TBX15: variants seen among roughly 807,000 people sequenced by gnomAD.
TBX15 encodes the protein T-box transcription factor TBX15.
A neutral mutation model predicts 53.9 loss-of-function variants in TBX15; 18 were observed. That is an observed-to-expected ratio of 0.33 (90% CI 0.23 to 0.49). The LOEUF is 0.49. TBX15 is among the 20% of genes least tolerant of loss of function. The pLI is 0.98. For synonymous variants in TBX15, 295 were observed against 278.0 expected, an observed-to-expected ratio of 1.06 and a Z score of -0.61; for missense variants, 692 against 749.5, an observed-to-expected ratio of 0.92 and a Z score of 0.90.
Position 118,924,831 on chromosome 1 carries a change from G to A in TBX15, c.522-14C>T, listed in dbSNP as rs1655541269. On this transcript the variant is annotated splice_polypyrimidine_tract_variant and intron_variant, in intron 3 of 7. Transcript: ENST00000369429. ...TGATACACATATCTGAGATAAAGAG[G>A]AAGAGAGGAAAATTCAGAGACAGAG... 6.2e-7 allele frequency: 1 copy of A among 1,613,906 alleles called. No individual in the cohort carries two copies. Among genetic ancestry groups the A allele is most frequent in the Non-Finnish European group, 8.5e-7 (1 of 1,179,882 alleles).
At chr1:118,946,540 C>G (rs12023773) in intron 1 of TBX15, among the ~76,000 whole-genome samples, 11,342 of 152,198 alleles carry the variant, frequency 0.075, 609 homozygotes, top group East Asian at 0.2. Context: ...TAACAAAATG[C>G]TTTTTCCCTC....
intron 6 of TBX15, among the ~76,000 whole-genome samples, chr1:118,912,121 C>A (rs1655046277): frequency 6.6e-6 from 1 of 151,864 alleles, no homozygotes; most frequent in Non-Finnish European, 1.5e-5. Context: ...CTCAGAAAAA[C>A]AATGACTCAA....
intron 6 of TBX15, among the ~76,000 whole-genome samples, chr1:118,910,799 G>A (rs1361238919): frequency 6.6e-6 from 1 of 152,124 alleles, no homozygotes; most frequent in Non-Finnish European, 1.5e-5. Context: ...TGACTTCAAT[G>A]TCATTATATC....
intron 1 of TBX15, among the ~76,000 whole-genome samples, chr1:118,971,952 G>A (rs1430757124): frequency 1.3e-5 from 2 of 152,244 alleles, no homozygotes; most frequent in Non-Finnish European, 2.9e-5. Flanking sequence ...CAGGACAGGA[G>A]CCTTGATTAA....
chr1:118,956,515 T>C (rs1470208868), intron 1 of TBX15, among the ~76,000 whole-genome samples: 3 of 152,236 alleles, frequency 2.0e-5, no homozygotes, highest in African/African-American at 7.2e-5. Context: ...CTTCTAATAG[T>C]TGCTGTAAAT....
intron 1 of TBX15, among the ~76,000 whole-genome samples, chr1:118,944,911 G>A (rs1656300943): frequency 6.6e-6 from 1 of 152,208 alleles, no homozygotes; most frequent in Non-Finnish European, 1.5e-5. Flanking sequence ...TCTTCCCAGG[G>A]AATGGGGGTC....
At chr1:118,899,247 A>G (rs1654534363) in intron 6 of TBX15, 122 bp from the exon 7 acceptor site, 2 of 888,816 alleles carry the variant, frequency 2.3e-6, no homozygotes, top group Non-Finnish European at 3.6e-6. Context: ...AGCTACCACC[A>G]TCAAGGTAAA....
At chr1:118,942,315 C>T (rs1445616119) in intron 1 of TBX15, among the ~76,000 whole-genome samples, 1 of 152,180 alleles carries the variant, frequency 6.6e-6, no homozygotes, top group African/African-American at 2.4e-5. Context: ...ATCCTCAGCA[C>T]CTGGAACAGT....
chr1:118,889,304 T>C (rs1212243057), intron 7 of TBX15, among the ~76,000 whole-genome samples: 1 of 152,168 alleles, frequency 6.6e-6, no homozygotes, highest in Non-Finnish European at 1.5e-5. Flanking sequence ...TCTAACAGCT[T>C]GTCGAATGTT....
intron 3 of TBX15, among the ~76,000 whole-genome samples, chr1:118,925,323 G>A (rs1231165858): frequency 6.6e-6 from 1 of 152,154 alleles, no homozygotes; most frequent in African/African-American, 2.4e-5. Context: ...GCCCTCCCAA[G>A]CCTCTCACTG....
At chr1:118,887,235 T>C (rs138685142) in intron 7 of TBX15, among the ~76,000 whole-genome samples, 22 of 152,346 alleles carry the variant, frequency 1.4e-4, no homozygotes, top group African/African-American at 4.8e-4. Context: ...TCAAGAGCTG[T>C]GATTCCCCCA....
chr1:118,900,307 G>A (rs926920987), intron 6 of TBX15, among the ~76,000 whole-genome samples: 2 of 152,194 alleles, frequency 1.3e-5, no homozygotes, highest in African/African-American at 2.4e-5. Flanking sequence ...TCTGCTGCCT[G>A]TGTTTCTTTC....
At chr1:118,917,509 A>G (rs1386976050) in intron 5 of TBX15, among the ~76,000 whole-genome samples, 1 of 152,192 alleles carries the variant, frequency 6.6e-6, no homozygotes, top group Non-Finnish European at 1.5e-5. Flanking sequence ...GCACACTACC[A>G]TGGCACACAT....
chr1:118,904,857 C>T (rs1453041198), intron 6 of TBX15, among the ~76,000 whole-genome samples: 4 of 152,130 alleles, frequency 2.6e-5, no homozygotes, highest in African/African-American at 9.7e-5. Flanking sequence ...GCTAGATTAC[C>T]TGGCTTCAAA....
intron 1 of TBX15, among the ~76,000 whole-genome samples, chr1:118,932,598 G>A (rs1431928263): frequency 1.3e-5 from 2 of 152,092 alleles, no homozygotes; most frequent in East Asian, 1.9e-4. Flanking sequence ...GGGGAGGGGT[G>A]ATCCAAACAG....
At position 118,953,762 on chromosome 1, in the gene TBX15, T is replaced by C. The variant is rs776649653; in HGVS notation, c.206-21930A>G. Among the ~76,000 whole-genome samples, 5 of 152,230 alleles carry C rather than the reference T, an allele frequency of 3.3e-5. No individual in the cohort carries two copies. In the South Asian group the frequency reaches 6.2e-4, roughly 19 times the overall value. ...AGAAAGTGAACAATTCTCTTCACTA[T>C]GTGAAATTTTTTGATGAATGTTCTT... On this transcript the variant is annotated intron_variant, in intron 1 of 7. Coordinates refer to ENST00000369429, the MANE Select transcript of TBX15 (RefSeq NM_001330677.2).
chr1:118,908,577 C>G (rs577732467), intron 6 of TBX15, among the ~76,000 whole-genome samples: 5 of 152,004 alleles, frequency 3.3e-5, no homozygotes, highest in African/African-American at 1.2e-4. Flanking sequence ...CACACAATTT[C>G]TAAGAAATCT....
chr1:118,885,201 A>C lies in TBX15; in HGVS notation c.1340T>G (p.Ile447Ser). 4 of 1,614,142 alleles carry C rather than the reference A, an allele frequency of 2.5e-6. No individual in the cohort carries two copies. The highest frequency in any genetic ancestry group is 3.4e-6 in the Non-Finnish European group (4 of 1,180,024). The change falls in exon 8 of 8, where the codon ATC (isoleucine) becomes AGC (serine). Residue 447 changes from isoleucine (I) to serine (S), a missense_variant. By Grantham distance (142) the Ile-to-Ser change is moderately radical. Transcript: ENST00000369429. ...TFMPQRTPSLISGIPTPPSLP... is the reference protein window; with the variant it reads ...TFMPQRTPSLSSGIPTPPSLP... ...CGAGGGAGGAGTTGGTATTCCTGAGATCAGGGATGGAGTCCTCTGAGGCAT... is the reference window on the plus strand; with the variant it reads ...CGAGGGAGGAGTTGGTATTCCTGAGCTCAGGGATGGAGTCCTCTGAGGCAT...
intron 4 of TBX15, among the ~76,000 whole-genome samples, chr1:118,923,904 A>G (rs912595634): frequency 7.2e-5 from 11 of 152,198 alleles, no homozygotes; most frequent in Non-Finnish European, 1.3e-4. Context: ...AGGTTTCAGA[A>G]CCTCTGCCAT....
Sources: gnomAD v4.1 joint callset for allele counts (sites outside exome capture counted in the v4.1 genomes callset) on GRCh38, gnomAD v4.1.1 for gene constraint, MANE v1.5 for transcripts, NCBI Gene and HGNC (gene_info 2026-07-23, HGNC 2026-07-21) for gene names.